The following SCAPER variants were observed in gnomAD, a reference collection of about 807,000 sequenced individuals.
The protein encoded by SCAPER is S-phase cyclin A associated protein in the ER, also known as S phase cyclin A-associated protein in the endoplasmic reticulum.
Under a neutral mutation model 182.2 loss-of-function variants are expected in SCAPER, and 98 were observed. The ratio of observed to expected loss-of-function variants is 0.54; its 90% CI spans 0.46 to 0.64. SCAPER has a LOEUF of 0.64. Ranked by LOEUF, SCAPER falls within the 30% of genes least tolerant of loss-of-function variation. The pLI, the probability that SCAPER is intolerant of heterozygous loss-of-function variation, is 0.00. For synonymous variants in SCAPER, 605 were observed against 564.6 expected (o/e 1.07, Z -1.01); for missense variants, 1,432 against 1,690.0 (o/e 0.85, Z 2.68).
intron 7 of SCAPER, among the ~76,000 whole-genome samples, chr15:76,797,987 CAAG>C (rs1199964107): frequency 6.7e-6 from 1 of 150,312 alleles, no homozygotes; most frequent in Non-Finnish European, 1.5e-5. Context: ...GGCCCATTCA[CAAG>C]AAGAGCAGCA....
rs571038037 is a variant in SCAPER, at chr15:76,553,519, G to A, written c.2838+20639C>T. Among the ~76,000 whole-genome samples, 106 of 152,270 alleles carry A rather than the reference G, an allele frequency of 7.0e-4. 3 individuals carry two copies. In the South Asian group the frequency reaches 0.02, roughly 29 times the overall value. ...ACCACAGTTGCTAGCACACATGAATGAGCACAGATCCCACTGCCACTGCCC... is the reference window on the plus strand; with the variant it reads ...ACCACAGTTGCTAGCACACATGAATAAGCACAGATCCCACTGCCACTGCCC... On this transcript the variant is annotated intron_variant, in intron 23 of 31. Coordinates refer to ENST00000563290, the MANE Select transcript of SCAPER (RefSeq NM_020843.4).
intron 23 of SCAPER, among the ~76,000 whole-genome samples, chr15:76,539,739 G>A (rs2044563378): frequency 6.6e-6 from 1 of 151,910 alleles, no homozygotes; most frequent in Non-Finnish European, 1.5e-5. Context: ...TAGAGACGGG[G>A]TTTCACCGTG....
chr15:76,891,424 T>C (rs1402397175), intron 1 of SCAPER, among the ~76,000 whole-genome samples: 1 of 152,116 alleles, frequency 6.6e-6, no homozygotes, highest in Non-Finnish European at 1.5e-5. Flanking sequence ...GAAAACCCCA[T>C]CATCCAAGCC....
At position 76,630,896 on chromosome 15, in the gene SCAPER, G is replaced by C. The variant is rs191507569; in HGVS notation, c.2646-9067C>G. On this transcript the variant is annotated intron_variant, in intron 21 of 31. Coordinates refer to ENST00000563290, the MANE Select transcript of SCAPER (RefSeq NM_020843.4). ...ATCTGTCTGATATTGACAGTGGAGTGTTAAAGTCTCCCACTGCTATTGTGT... is the reference window on the plus strand; with the variant it reads ...ATCTGTCTGATATTGACAGTGGAGTCTTAAAGTCTCCCACTGCTATTGTGT... 5.3e-5 allele frequency among the ~76,000 whole-genome samples: 8 copies of C among 152,266 alleles called. No individual in the cohort carries two copies. In the East Asian group the frequency reaches 1.5e-3, roughly 29 times the overall value.
chr15:76,887,105 C>T (rs761254586), intron 1 of SCAPER, among the ~76,000 whole-genome samples: 3 of 152,146 alleles, frequency 2.0e-5, no homozygotes, highest in Non-Finnish European at 4.4e-5. Flanking sequence ...TCCCATGACA[C>T]AAGTTTACCA....
At chr15:76,581,342 C>T (rs912571350) in intron 22 of SCAPER, among the ~76,000 whole-genome samples, 6 of 152,090 alleles carry the variant, frequency 3.9e-5, no homozygotes, top group Non-Finnish European at 8.8e-5. Flanking sequence ...GATACCAAAA[C>T]CAGACAAAGC....
At chr15:76,514,165 C>A (rs1243341217) in intron 23 of SCAPER, among the ~76,000 whole-genome samples, 1 of 152,154 alleles carries the variant, frequency 6.6e-6, no homozygotes, top group East Asian at 1.9e-4. Context: ...TGCATTCAGA[C>A]ATATGAAACT....
chr15:76,476,727 G>A (rs1421669157), intron 24 of SCAPER, among the ~76,000 whole-genome samples: 2 of 149,230 alleles, frequency 1.3e-5, no homozygotes, highest in South Asian at 2.1e-4. Flanking sequence ...GATTATAGGC[G>A]TTAGCCAACA....
chr15:76,639,138 T>C lies in SCAPER; in HGVS notation c.2646-17309A>G, dbSNP rs541104694. 8.7e-4 allele frequency among the ~76,000 whole-genome samples: 132 copies of C among 152,320 alleles called. 1 individual carries two copies. Among genetic ancestry groups the C allele is most frequent in the Middle Eastern group, 3.4e-3 (1 of 294 alleles). ...TGGAATAAAGAGGCTGATCACATACTGAAATTTCACTTTTAACAGAATTGA... is the reference window on the plus strand; with the variant it reads ...TGGAATAAAGAGGCTGATCACATACCGAAATTTCACTTTTAACAGAATTGA... On this transcript the variant is annotated intron_variant, in intron 21 of 31. Coordinates refer to ENST00000563290, the MANE Select transcript of SCAPER (RefSeq NM_020843.4).
intron 25 of SCAPER, among the ~76,000 whole-genome samples, chr15:76,453,719 A>G (rs1567170630): frequency 6.6e-6 from 1 of 152,236 alleles, no homozygotes; most frequent in Non-Finnish European, 1.5e-5. Flanking sequence ...TTTTGTAGGA[A>G]TATACTATAC....
At chr15:76,447,057 T>C (rs1206701399) in intron 25 of SCAPER, among the ~76,000 whole-genome samples, 1 of 152,194 alleles carries the variant, frequency 6.6e-6, no homozygotes, top group Admixed American at 6.5e-5. Flanking sequence ...GCCATGATGT[T>C]TGTTAGGTCT....
chr15:76,489,782 G>C (rs1410717331), intron 24 of SCAPER, among the ~76,000 whole-genome samples: 1 of 152,084 alleles, frequency 6.6e-6, no homozygotes, highest in Non-Finnish European at 1.5e-5. Context: ...TATGCCTGTT[G>C]ATTAGCAACT....
At chr15:76,766,535 G>C (rs2063127734) in intron 11 of SCAPER, among the ~76,000 whole-genome samples, 1 of 150,846 alleles carries the variant, frequency 6.6e-6, no homozygotes, top group Non-Finnish European at 1.5e-5. Context: ...ACGGGGTTTT[G>C]CTATGTTGCC....
chr15:76,497,475 T>C (rs924518933), intron 24 of SCAPER, among the ~76,000 whole-genome samples: 2 of 151,822 alleles, frequency 1.3e-5, no homozygotes, highest in Non-Finnish European at 2.9e-5. Flanking sequence ...CTAGAACAAG[T>C]AGTATTCATA....
At chr15:76,632,676 G>A (rs1306429362) in intron 21 of SCAPER, among the ~76,000 whole-genome samples, 1 of 151,960 alleles carries the variant, frequency 6.6e-6, no homozygotes, top group Admixed American at 6.6e-5. Flanking sequence ...TGGAGGAGAA[G>A]AGGCACTCTG....
intron 23 of SCAPER, among the ~76,000 whole-genome samples, chr15:76,554,879 TC>T (rs1461274807): frequency 6.6e-6 from 1 of 151,848 alleles, no homozygotes; most frequent in Non-Finnish European, 1.5e-5. Flanking sequence ...CCTACGGGGT[TC>T]AAGTGATTCT....
intron 27 of SCAPER, among the ~76,000 whole-genome samples, chr15:76,386,408 T>C (rs1032925197): frequency 4.6e-5 from 7 of 152,232 alleles, no homozygotes; most frequent in African/African-American, 1.7e-4. Context: ...TGGCAAGCCC[T>C]ATTCTAGGAC....
intron 21 of SCAPER, among the ~76,000 whole-genome samples, chr15:76,650,538 C>T (rs539985207): frequency 4.0e-5 from 6 of 151,742 alleles, no homozygotes; most frequent in Admixed American, 3.9e-4. Flanking sequence ...TGGAAAAAAC[C>T]TGAAGGAAGA....
rs76096033 is a variant in SCAPER at position 76,390,764 on chromosome 15, T to C, written c.3468-9149A>G. ...GATACTTTGGGGCTCTCTTTACAGT[T>C]TGGAAGTTGGGCTGAAGGAGCTCTG... On this transcript the variant is annotated intron_variant, in intron 27 of 31. Coordinates refer to ENST00000563290, the MANE Select transcript of SCAPER (RefSeq NM_020843.4). 2.8e-3 allele frequency among the ~76,000 whole-genome samples: 429 copies of C among 152,246 alleles called. 5 individuals carry two copies. Among genetic ancestry groups the C allele is most frequent in the African/African-American group, 8.5e-3 (351 of 41,526 alleles).
Sources: gnomAD v4.1 joint callset for allele counts (sites outside exome capture counted in the v4.1 genomes callset) on GRCh38, gnomAD v4.1.1 for gene constraint, MANE v1.5 for transcripts, NCBI Gene and HGNC (gene_info 2026-07-23, HGNC 2026-07-21) for gene names.